RBL2: variants seen among roughly 807,000 people sequenced by gnomAD.
RBL2 encodes the protein retinoblastoma-like protein 2.
Under a neutral mutation model 126.0 loss-of-function variants are expected in RBL2, and 56 were observed. The ratio of observed to expected loss-of-function variants is 0.44; its 90% CI spans 0.36 to 0.56. RBL2 has a LOEUF of 0.56. RBL2 is among the 20% of genes least tolerant of loss of function. The pLI is 0.00. For missense variants in RBL2, 1,229 were observed against 1,398.2 expected (o/e 0.88, Z 1.93); for synonymous variants, 454 against 478.5 (o/e 0.95, Z 0.67).
At chr16:53,478,939 A>G (rs1451271305) in intron 17 of RBL2, 34 of 518,282 alleles carry the variant, frequency 6.6e-5, no homozygotes, top group Non-Finnish European at 1.1e-4. Context: ...CTTGATTCAC[A>G]TACTATAGAC....
At chr16:53,469,565 A>G (rs1374144575) in intron 14 of RBL2, among the ~76,000 whole-genome samples, 1 of 152,140 alleles carries the variant, frequency 6.6e-6, no homozygotes, top group Non-Finnish European at 1.5e-5. Flanking sequence ...ATATTATAGA[A>G]AAATATAATA....
At chr16:53,456,068 T>C (rs1316387711) in intron 8 of RBL2, among the ~76,000 whole-genome samples, 1 of 151,994 alleles carries the variant, frequency 6.6e-6, no homozygotes, top group East Asian at 1.9e-4. Flanking sequence ...CCCAGCTACT[T>C]GCGAGGCTGA....
At chr16:53,460,484 T>C (rs1364912771) in intron 9 of RBL2, among the ~76,000 whole-genome samples, 4 of 152,204 alleles carry the variant, frequency 2.6e-5, no homozygotes, top group African/African-American at 9.6e-5. Context: ...TCTTCCTGAG[T>C]CATGTTTTTC....
At chr16:53,483,105 G>T (rs1263112340) in intron 21 of RBL2, among the ~76,000 whole-genome samples, 3 of 152,136 alleles carry the variant, frequency 2.0e-5, no homozygotes, top group Non-Finnish European at 4.4e-5. Context: ...GTATTCAGAG[G>T]TAAAGTGTCC....
chr16:53,441,179 C>T (rs767002597), intron 2 of RBL2, among the ~76,000 whole-genome samples: 12 of 151,878 alleles, frequency 7.9e-5, no homozygotes, highest in East Asian at 1.9e-4. Context: ...AGGCTAGTCT[C>T]GAACTCCTGA....
In RBL2 at chr16:53,464,246, G is replaced by T. The variant is rs755432598; in HGVS notation, c.1581G>T (p.Ala527=). ...TATAGGGTATTCTGGAACAAGATGC[G>T]TTCCACAGATCTCTCTTGGCCTGCT... ...MDLSGILEQD[A]FHRSLLACCL... is the part of the protein sequence containing the mutation. The change falls in exon 12 of 22, where the codon GCG becomes GCT. Residue 527 remains alanine (A), a synonymous_variant. Transcript: ENST00000262133. The T allele has an allele frequency of 5.0e-6, 8 of 1,584,626 alleles. No individual in the cohort carries two copies. In the East Asian group the frequency reaches 1.8e-4, roughly 36 times the overall value.
intron 5 of RBL2, 116 bp from the exon 6 acceptor site, chr16:53,453,336 T>C: frequency 1.1e-6 from 1 of 932,908 alleles, no homozygotes; most frequent in Non-Finnish European, 1.6e-6. Context: ...TACTGTTTCC[T>C]ATACATTTGT....
intron 8 of RBL2, among the ~76,000 whole-genome samples, chr16:53,457,258 C>CCTTTTTTTTTTTTTTTTTTTTTTGTTTTT (rs1555566426): frequency 1.1e-5 from 1 of 89,954 alleles, no homozygotes; most frequent in African/African-American, 6.0e-5. Context: ...GTACAGATAG[C>CCTTTTTTTTTTTTTTTTTTTTTTGTTTTT]TTTTTTTTTT....
chr16:53,444,803 G>A (rs1394365169), intron 3 of RBL2, among the ~76,000 whole-genome samples: 5 of 148,560 alleles, frequency 3.4e-5, no homozygotes, highest in African/African-American at 7.5e-5. Context: ...AGCTGCGATC[G>A]CGCCACTGCA....
In RBL2 at chr16:53,490,332, ATC is replaced by A. The variant is rs1961368419; in HGVS notation, c.*34_*35del. On this transcript the variant is annotated 3_prime_UTR_variant, in exon 22 of 22. Transcript: ENST00000262133. Reference sequence around the variant, plus strand: ...TCTCTTGTATTAAACTCTTCACAAAATCTGTTTAGCAGCAGCCTTTAATGCAT... The same window carrying A: ...TCTCTTGTATTAAACTCTTCACAAAATGTTTAGCAGCAGCCTTTAATGCAT... The A allele has an allele frequency of 6.6e-7, 1 of 1,524,750 alleles. No homozygotes were observed. The highest frequency in any genetic ancestry group is 1.4e-5 in the African/African-American group (1 of 72,298). 94.5% of individuals were successfully genotyped at this position (1,524,750 alleles called of 1,614,324 possible). A position where few individuals can be genotyped will look rare whatever the true frequency, so the allele number is the denominator to read the frequency against.
intron 4 of RBL2, among the ~76,000 whole-genome samples, chr16:53,447,391 C>T (rs1342345088): frequency 6.6e-6 from 1 of 152,072 alleles, no homozygotes; most frequent in Admixed American, 6.5e-5. Context: ...GCTGAAAACA[C>T]ATTATTCTGT....
At chr16:53,452,540 C>A (rs182848671) in intron 5 of RBL2, among the ~76,000 whole-genome samples, 48 of 152,194 alleles carry the variant, frequency 3.2e-4, no homozygotes, top group African/African-American at 1.1e-3. Context: ...TTCAGTTGCT[C>A]CTGGTATGGT....
At chr16:53,453,319 C>G (rs1306195011) in intron 5 of RBL2, 133 bp from the exon 6 acceptor site, 2 of 683,504 alleles carry the variant, frequency 2.9e-6, no homozygotes, top group Non-Finnish European at 4.6e-6. Flanking sequence ...TGAAATAGGC[C>G]CATATATACT....
intron 14 of RBL2, 140 bp from the exon 15 acceptor site, chr16:53,469,776 G>T: frequency 9.6e-7 from 1 of 1,040,242 alleles, no homozygotes; most frequent in Non-Finnish European, 1.4e-6. Flanking sequence ...GGTAAGATAT[G>T]ACTTCTGTAA....
chr16:53,450,345 GGT>G (rs373174219), intron 4 of RBL2, among the ~76,000 whole-genome samples: 3 of 151,228 alleles, frequency 2.0e-5, no homozygotes, highest in Admixed American at 6.6e-5. Flanking sequence ...CAAAGCTGCA[GGT>G]GTGTGTGTGT....
intron 17 of RBL2, among the ~76,000 whole-genome samples, chr16:53,477,413 C>G (rs1307939064): frequency 6.6e-6 from 1 of 152,218 alleles, no homozygotes; most frequent in Non-Finnish European, 1.5e-5. Context: ...TCTCAACTCA[C>G]TGTAACCTCT....
At position 53,437,753 on chromosome 16, in the gene RBL2, C is replaced by T. The variant is rs561041565; in HGVS notation, c.241-1263C>T. Among the ~76,000 whole-genome samples the T allele has an allele frequency of 1.6e-4, 24 of 151,662 alleles. No homozygotes were observed. The South Asian group carries it at 4.8e-3, about 30-fold the overall frequency. On this transcript the variant is annotated intron_variant, in intron 1 of 21. Transcript: ENST00000262133. ...TTAAAAATATAAACAATAGGCCAGG[C>T]GCAGGGGCTCACGCCTGTAATCCCA... is the stretch of plus-strand genomic sequence containing the variant.
At chr16:53,480,169 C>A in intron 19 of RBL2, 178 bp downstream of exon 19, 1 of 563,226 alleles carries the variant, frequency 1.8e-6, no homozygotes, top group Non-Finnish European at 3.1e-6. Context: ...CTTTGGGGCA[C>A]ATATTATGTA....
chr16:53,489,418 CAACA>C (rs1365790280), intron 21 of RBL2: 1 of 152,094 alleles, frequency 6.6e-6, no homozygotes, highest in African/African-American at 2.4e-5. Context: ...GAATTTTAAC[CAACA>C]AACTAGCAGA....
Sources: allele counts gnomAD v4.1 joint callset (sites outside exome capture counted in the v4.1 genomes callset), GRCh38; gene constraint gnomAD v4.1.1; transcripts MANE v1.5; gene names NCBI Gene and HGNC (gene_info 2026-07-23, HGNC 2026-07-21).